The following FARS2 variants were observed in gnomAD, a reference collection of about 807,000 sequenced individuals.
FARS2 encodes phenylalanine--tRNA ligase, mitochondrial.
FARS2 carries 40 observed loss-of-function variants against 46.4 expected under a neutral mutation model. The observed-to-expected ratio is 0.86, with a 90% CI of 0.67 to 1.12. The LOEUF is 1.12. Among genes scored for constraint, FARS2 ranks in the 50% most tolerant of loss-of-function variants. The probability of loss-of-function intolerance (pLI) is 0.00; values close to 1 mark genes in which losing one functional copy is unlikely to be tolerated. For missense variants in FARS2, 513 were observed against 567.9 expected, an observed-to-expected ratio of 0.90 and a Z score of 0.98; for synonymous variants, 234 against 214.9, an observed-to-expected ratio of 1.09 and a Z score of -0.78.
Position 5,341,793 on chromosome 6 carries a change from A to G in FARS2, c.-21-26757A>G, listed in dbSNP as rs149813220. ...CTTGGCCTCCCAAAGTGCTAGGATT[A>G]CAGGTGGGAGCCACTGCATCTGGCT... On this transcript the variant is annotated intron_variant, in intron 1 of 6. Coordinates refer to ENST00000274680, the MANE Select transcript of FARS2 (RefSeq NM_006567.5). Among the ~76,000 whole-genome samples, 515 of 152,294 alleles carry G rather than the reference A, an allele frequency of 3.4e-3. 3 individuals are homozygous for G. The highest frequency in any genetic ancestry group is 0.012 in the African/African-American group (495 of 41,570).
intron 1 of FARS2, among the ~76,000 whole-genome samples, chr6:5,289,565 A>G (rs72815613): frequency 0.1 from 15,631 of 152,222 alleles, 1,028 homozygotes; most frequent in Middle Eastern, 0.15. Context: ...GGTTGCGGAA[A>G]GGGACTAATG....
At chr6:5,580,552 C>A (rs914065911) in intron 5 of FARS2, among the ~76,000 whole-genome samples, 3 of 152,152 alleles carry the variant, frequency 2.0e-5, no homozygotes, top group African/African-American at 7.2e-5. Flanking sequence ...AGCAGCAGCC[C>A]CCGTGTGTCT....
chr6:5,349,633 A>G (rs1757447478), intron 1 of FARS2, among the ~76,000 whole-genome samples: 2 of 152,188 alleles, frequency 1.3e-5, no homozygotes, highest in Admixed American at 6.5e-5. Context: ...AGGAACCACT[A>G]TTGTTACATT....
intron 1 of FARS2, among the ~76,000 whole-genome samples, chr6:5,324,168 C>T (rs528533916): frequency 6.6e-6 from 1 of 152,346 alleles, no homozygotes; most frequent in Admixed American, 6.5e-5. Context: ...CGGTCTTTAA[C>T]TGTCAAGCTG....
chr6:5,556,430 C>T (rs560767651), intron 5 of FARS2, among the ~76,000 whole-genome samples: 9 of 151,948 alleles, frequency 5.9e-5, no homozygotes, highest in East Asian at 1.9e-4. Flanking sequence ...TCCCTTGTAC[C>T]GTCAGTTTCC....
chr6:5,585,211 T>C (rs892077903), intron 5 of FARS2, among the ~76,000 whole-genome samples: 1 of 152,200 alleles, frequency 6.6e-6, no homozygotes, highest in African/African-American at 2.4e-5. Context: ...ATTCAAGGTA[T>C]GCAATGTGAT....
chr6:5,387,943 A>G (rs1760242377), intron 2 of FARS2, among the ~76,000 whole-genome samples: 1 of 152,206 alleles, frequency 6.6e-6, no homozygotes, highest in Admixed American at 6.5e-5. Flanking sequence ...AATTGCAAAG[A>G]AAGTACAGAA....
chr6:5,545,981 A>T (rs1770956954), intron 5 of FARS2, among the ~76,000 whole-genome samples: 1 of 152,052 alleles, frequency 6.6e-6, no homozygotes, highest in Non-Finnish European at 1.5e-5. Flanking sequence ...TACAAAAATT[A>T]GCTGGGCATG....
At chr6:5,527,603 T>C (rs576223139) in intron 4 of FARS2, among the ~76,000 whole-genome samples, 1 of 152,352 alleles carries the variant, frequency 6.6e-6, no homozygotes, top group East Asian at 1.9e-4. Context: ...GAATGCACAT[T>C]AAGTTGAAAG....
intron 2 of FARS2, among the ~76,000 whole-genome samples, chr6:5,375,787 A>T (rs1040633944): frequency 6.6e-6 from 1 of 152,106 alleles, no homozygotes; most frequent in African/African-American, 2.4e-5. Context: ...AAAACAGTGG[A>T]TCTCTACCTC....
chr6:5,604,277 C>T (rs1774700882), intron 5 of FARS2, among the ~76,000 whole-genome samples: 1 of 147,028 alleles, frequency 6.8e-6, no homozygotes, highest in Non-Finnish European at 1.5e-5. Context: ...TGCCACACTC[C>T]CATCTACACT....
rs373687128 is a variant in FARS2 at position 5,595,924 on chromosome 6, C to T, written c.1066-17245C>T. On this transcript the variant is annotated intron_variant, in intron 5 of 6. Transcript: ENST00000274680. ...GTTGTAGCGGCTGAGTGACCTCCCCCTTAGACCTCATTTGAAGATGAGATA... is the reference window on the plus strand; with the variant it reads ...GTTGTAGCGGCTGAGTGACCTCCCCTTTAGACCTCATTTGAAGATGAGATA... 9.9e-5 allele frequency among the ~76,000 whole-genome samples: 15 copies of T among 152,222 alleles called. 1 individual carries two copies. In the East Asian group the frequency reaches 2.7e-3, roughly 27 times the overall value.
At chr6:5,399,483 G>A (rs899958790) in intron 2 of FARS2, among the ~76,000 whole-genome samples, 3 of 151,938 alleles carry the variant, frequency 2.0e-5, no homozygotes, top group Non-Finnish European at 2.9e-5. Flanking sequence ...AATGTTTTGC[G>A]TAGATAAAGT....
intron 1 of FARS2, among the ~76,000 whole-genome samples, chr6:5,334,418 G>C (rs1400147973): frequency 6.6e-6 from 1 of 152,136 alleles, no homozygotes; most frequent in Non-Finnish European, 1.5e-5. Context: ...AAAGACATAA[G>C]TATTTCCTTT....
Position 5,292,867 on chromosome 6 carries a change from A to G in FARS2, c.-22+31207A>G, listed in dbSNP as rs562431579. 3.9e-5 allele frequency among the ~76,000 whole-genome samples: 6 copies of G among 152,326 alleles called. No homozygotes were observed. The South Asian group carries it at 6.2e-4, about 16-fold the overall frequency. ...GATGGAACTCTGGGGTTATTCAGTGATAGGGATGATGGAAGATCCTTAAAG... is the reference window on the plus strand; with the variant it reads ...GATGGAACTCTGGGGTTATTCAGTGGTAGGGATGATGGAAGATCCTTAAAG... On this transcript the variant is annotated intron_variant, in intron 1 of 6. Coordinates refer to ENST00000274680, the MANE Select transcript of FARS2 (RefSeq NM_006567.5).
intron 6 of FARS2, among the ~76,000 whole-genome samples, chr6:5,671,500 A>G (rs375847072): frequency 1.3e-5 from 2 of 152,322 alleles, no homozygotes; most frequent in South Asian, 2.1e-4. Context: ...ATGGTGTTCA[A>G]GGTCACTGTT....
At position 5,378,263 on chromosome 6, in the gene FARS2, A is replaced by G. The variant is rs574840971; in HGVS notation, c.612+9081A>G. ...GTTTGAGAACCACTGTCCTCAAACC[A>G]CTGTCCTCAACCACTGTGGGTGAGG... On this transcript the variant is annotated intron_variant, in intron 2 of 6. Coordinates refer to ENST00000274680, the MANE Select transcript of FARS2 (RefSeq NM_006567.5). Among the ~76,000 whole-genome samples, 5 of 152,256 alleles carry G rather than the reference A, an allele frequency of 3.3e-5. No individual in the cohort carries two copies. In the East Asian group the frequency reaches 9.7e-4, roughly 29 times the overall value.
At chr6:5,675,665 G>C (rs1474212139) in intron 6 of FARS2, among the ~76,000 whole-genome samples, 1 of 152,174 alleles carries the variant, frequency 6.6e-6, no homozygotes, top group Non-Finnish European at 1.5e-5. Context: ...CATTTTGAAA[G>C]AGTAACTTAG....
chr6:5,648,052 G>A (rs887079651), intron 6 of FARS2, among the ~76,000 whole-genome samples: 1 of 152,144 alleles, frequency 6.6e-6, no homozygotes, highest in African/African-American at 2.4e-5. Context: ...GAAGTGCCAG[G>A]CACACTGCCT....
Sources: allele counts gnomAD v4.1 joint callset (sites outside exome capture counted in the v4.1 genomes callset), GRCh38; gene constraint gnomAD v4.1.1; transcripts MANE v1.5; gene names NCBI Gene and HGNC (gene_info 2026-07-23, HGNC 2026-07-21).